Variants in PCDH11Y observed in about 807,000 individuals in gnomAD.
PCDH11Y encodes protocadherin 11 Y-linked, also known as protocadherin-11 Y-linked.
For missense variants in PCDH11Y, 12 were observed against 224.8 expected (o/e 0.05, Z 6.05); for synonymous variants, 9 against 83.6 (o/e 0.11, Z 4.87).
intron 2 of PCDH11Y, among the ~76,000 whole-genome samples, chrY:5,344,691 C>T (rs2053150096): frequency 3.2e-5 from 1 of 30,847 alleles, no homozygotes; most frequent in Non-Finnish European, 7.8e-5. Flanking sequence ...TTTTTGGAGA[C>T]GGAGTCTCTC....
At chrY:5,252,081 C>A (rs2053004821) in intron 2 of PCDH11Y, among the ~76,000 whole-genome samples, 1 of 32,219 alleles carries the variant, frequency 3.1e-5, no homozygotes, top group African/African-American at 1.2e-4. Flanking sequence ...AAACGGTAGT[C>A]ATAAATTAAG....
At chrY:5,278,619 A>G (rs2053047771) in intron 2 of PCDH11Y, among the ~76,000 whole-genome samples, 4 of 33,816 alleles carry the variant, frequency 1.2e-4, no homozygotes, top group Non-Finnish European at 2.9e-4. Context: ...CATGCTTAGT[A>G]GAACCTCAGC....
chrY:5,215,351 CAG>C (rs2052944545), intron 2 of PCDH11Y, among the ~76,000 whole-genome samples: 1 of 31,807 alleles, frequency 3.1e-5, no homozygotes, highest in Admixed American at 2.9e-4. Context: ...TAGGGAATGG[CAG>C]AGTGGCCTCA....
chrY:5,620,191 T>A (rs2053498118), intron 4 of PCDH11Y, among the ~76,000 whole-genome samples: 1 of 31,894 alleles, frequency 3.1e-5, no homozygotes, highest in Non-Finnish European at 7.6e-5. Context: ...AATAATCAAA[T>A]GAACACAATC....
chrY:5,209,337 G>A, intron 2 of PCDH11Y, among the ~76,000 whole-genome samples: 1 of 33,082 alleles, frequency 3.0e-5, no homozygotes, highest in Non-Finnish European at 7.4e-5. Flanking sequence ...ACTAACATAG[G>A]CATAGTTCCT....
intron 2 of PCDH11Y, among the ~76,000 whole-genome samples, chrY:5,283,424 T>G (rs2053056480): frequency 1.5e-3 from 47 of 30,624 alleles, no homozygotes; most frequent in Non-Finnish European, 6.4e-4. Context: ...GTGATTTATA[T>G]TCTCAGAAAT....
intron 4 of PCDH11Y, among the ~76,000 whole-genome samples, chrY:5,698,942 T>C: frequency 3.0e-5 from 1 of 33,742 alleles, no homozygotes; most frequent in African/African-American, 1.2e-4. Context: ...CTCATCTCCA[T>C]GAGCTTATCT....
chrY:5,664,429 T>A, intron 4 of PCDH11Y, among the ~76,000 whole-genome samples: 1 of 32,234 alleles, frequency 3.1e-5, no homozygotes, highest in Non-Finnish European at 7.6e-5. Context: ...TAAAAGAATT[T>A]ACTTTTGTGC....
chrY:5,313,489 A>T, intron 2 of PCDH11Y, among the ~76,000 whole-genome samples: 1 of 33,257 alleles, frequency 3.0e-5, no homozygotes. Context: ...AAGGTAAAAC[A>T]TTCATATATT....
intron 2 of PCDH11Y, among the ~76,000 whole-genome samples, chrY:5,245,849 C>A (rs2124656116): frequency 3.3e-5 from 1 of 30,027 alleles, no homozygotes; most frequent in East Asian, 9.0e-4. Context: ...GTTACAGGAG[C>A]TGCTAACTAG....
intron 2 of PCDH11Y, among the ~76,000 whole-genome samples, chrY:5,349,943 C>T: frequency 1.8e-4 from 6 of 33,808 alleles, no homozygotes; most frequent in African/African-American, 6.9e-4. Context: ...CATATCCAAA[C>T]ACAAATGGGA....
chrY:5,379,518 ACCACCCTGGCCCACCATGCCT>A, intron 2 of PCDH11Y, among the ~76,000 whole-genome samples: 1 of 31,237 alleles, frequency 3.2e-5, no homozygotes, highest in Non-Finnish European at 7.8e-5. Context: ...ATTTTCCAAG[ACCACCCTGGCCCACCATGCCT>A]CCATCCTGGG....
downstream of PCDH11Y, among the ~76,000 whole-genome samples, chrY:5,108,635 T>C (rs2052798762): frequency 7.0e-5 from 2 of 28,405 alleles, no homozygotes; most frequent in Non-Finnish European, 1.6e-4. Context: ...TAGTCCCAGC[T>C]ACTCGGGAGG....
chrY:5,033,896 A>G, intron 3 of PCDH11Y, among the ~76,000 whole-genome samples: 2 of 32,078 alleles, frequency 6.2e-5, no homozygotes, highest in Admixed American at 5.7e-4. Context: ...CCCTCCCTGT[A>G]CCTTTCATTC....
At chrY:5,670,099 A>T in intron 4 of PCDH11Y, among the ~76,000 whole-genome samples, 1 of 30,016 alleles carries the variant, frequency 3.3e-5, no homozygotes. Context: ...ACTTAACATA[A>T]TGATCTCCAG....
intron 2 of PCDH11Y, among the ~76,000 whole-genome samples, chrY:5,421,722 AC>A (rs2053258775): frequency 3.7e-5 from 1 of 26,841 alleles, no homozygotes; most frequent in Non-Finnish European, 8.7e-5. Context: ...ATAAGCAACA[AC>A]CTAGAATAGA....
At chrY:5,222,038 T>A in intron 2 of PCDH11Y, among the ~76,000 whole-genome samples, 1 of 33,666 alleles carries the variant, frequency 3.0e-5, no homozygotes, top group Non-Finnish European at 7.4e-5. Context: ...ACTATTAAGA[T>A]GATTATATGA....
chrY:5,583,196 T>C, intron 4 of PCDH11Y, among the ~76,000 whole-genome samples: 1 of 33,103 alleles, frequency 3.0e-5, no homozygotes, highest in Non-Finnish European at 7.5e-5. Flanking sequence ...TTACTGTAGA[T>C]GAATTTATTT....
intron 3 of PCDH11Y, among the ~76,000 whole-genome samples, chrY:5,509,382 G>A: frequency 3.6e-5 from 1 of 27,833 alleles, no homozygotes; most frequent in Non-Finnish European, 8.4e-5. Context: ...CTGTAAACAT[G>A]CTGAATGATA....
Sources: gnomAD v4.1 joint callset for allele counts (sites outside exome capture counted in the v4.1 genomes callset) on GRCh38, gnomAD v4.1.1 for gene constraint, MANE v1.5 for transcripts, NCBI Gene and HGNC (gene_info 2026-07-23, HGNC 2026-07-21) for gene names.